Variants in CDH13 observed in about 807,000 individuals in gnomAD.
CDH13 encodes cadherin 13.
Under a neutral mutation model 63.8 loss-of-function variants are expected in CDH13, and 24 were observed. That is an observed-to-expected ratio of 0.38 (90% confidence interval 0.27 to 0.53). The LOEUF is 0.53. Among genes scored for constraint, CDH13 ranks in the 20% least tolerant of loss-of-function variants. The probability of loss-of-function intolerance (pLI) is 0.85; values close to 1 mark genes in which losing one functional copy is unlikely to be tolerated. For missense variants in CDH13, 1,049 were observed against 903.1 expected (o/e 1.16, Z -2.07); for synonymous variants, 503 against 355.3 (o/e 1.42, Z -4.67).
chr16:82,715,945 T>C (rs1233008371), intron 1 of CDH13, among the ~76,000 whole-genome samples: 1 of 152,210 alleles, frequency 6.6e-6, no homozygotes, highest in African/African-American at 2.4e-5. Context: ...TTATGAGCTC[T>C]TTGGTAGAAA....
chr16:83,761,169 C>A (rs553385744), intron 11 of CDH13, among the ~76,000 whole-genome samples: 1 of 152,162 alleles, frequency 6.6e-6, no homozygotes, highest in Non-Finnish European at 1.5e-5. Context: ...AAGAGCAGGA[C>A]TGAAAACCTG....
chr16:83,249,327 A>T (rs1905262461), intron 5 of CDH13, among the ~76,000 whole-genome samples: 1 of 152,160 alleles, frequency 6.6e-6, no homozygotes, highest in Admixed American at 6.5e-5. Flanking sequence ...CTGTAGCTTG[A>T]TATCAGCCAT....
At chr16:83,154,826 G>A (rs1339599379) in intron 4 of CDH13, among the ~76,000 whole-genome samples, 1 of 152,136 alleles carries the variant, frequency 6.6e-6, no homozygotes, top group African/African-American at 2.4e-5. Flanking sequence ...AGACCTGCAA[G>A]TAAATGTTAA....
chr16:83,738,036 C>T (rs935223496), intron 10 of CDH13, among the ~76,000 whole-genome samples: 4 of 152,290 alleles, frequency 2.6e-5, no homozygotes, highest in Middle Eastern at 3.4e-3. Flanking sequence ...AATGAATGTG[C>T]GCTTCCAGTT....
At chr16:83,150,687 A>G (rs921379347) in intron 4 of CDH13, among the ~76,000 whole-genome samples, 3 of 152,152 alleles carry the variant, frequency 2.0e-5, no homozygotes, top group African/African-American at 4.8e-5. Flanking sequence ...CCTATTTACT[A>G]TATGCTTATA....
chr16:83,677,439 C>G (rs1364983657), intron 9 of CDH13, among the ~76,000 whole-genome samples: 1 of 152,132 alleles, frequency 6.6e-6, no homozygotes, highest in African/African-American at 2.4e-5. Flanking sequence ...GTATTGCTGT[C>G]CCCCGCCCGG....
At chr16:83,061,516 A>G (rs2031548156) in intron 3 of CDH13, among the ~76,000 whole-genome samples, 1 of 152,190 alleles carries the variant, frequency 6.6e-6, no homozygotes, top group South Asian at 2.1e-4. Context: ...TTTCCCAGCT[A>G]AAAATTCTTC....
intron 7 of CDH13, among the ~76,000 whole-genome samples, chr16:83,503,013 T>C (rs951308757): frequency 6.6e-6 from 1 of 152,180 alleles, no homozygotes; most frequent in Non-Finnish European, 1.5e-5. Flanking sequence ...GCGGAGCTCG[T>C]TGGTTATGCT....
intron 4 of CDH13, among the ~76,000 whole-genome samples, chr16:83,184,089 A>AACACAC (rs10656475): frequency 0.11 from 14,610 of 131,420 alleles, 942 homozygotes; most frequent in East Asian, 0.24. Context: ...CTAGAGGTTA[A>AACACAC]ACACACACAC....
At chr16:83,428,739 T>C (rs960103826) in intron 6 of CDH13, among the ~76,000 whole-genome samples, 24 of 152,220 alleles carry the variant, frequency 1.6e-4, no homozygotes, top group Admixed American at 2.6e-4. Flanking sequence ...CCTTTGTTCC[T>C]TTGGGGAATA....
intron 5 of CDH13, among the ~76,000 whole-genome samples, chr16:83,319,460 A>T (rs752648106): frequency 6.6e-6 from 1 of 152,190 alleles, no homozygotes; most frequent in Non-Finnish European, 1.5e-5. Flanking sequence ...TGCCAACCTA[A>T]GAAGGCTTTG....
chr16:83,446,430 C>T (rs1337999430), intron 6 of CDH13, among the ~76,000 whole-genome samples: 1 of 152,114 alleles, frequency 6.6e-6, no homozygotes, highest in Non-Finnish European at 1.5e-5. Flanking sequence ...TTAATGAGAT[C>T]GGTTTCCACC....
At chr16:82,661,456 A>C (rs1010748848) in intron 1 of CDH13, among the ~76,000 whole-genome samples, 3 of 152,346 alleles carry the variant, frequency 2.0e-5, no homozygotes, top group Admixed American at 6.5e-5. Context: ...CTGAGTAAAG[A>C]GGTTGCTGCC....
intron 3 of CDH13, among the ~76,000 whole-genome samples, chr16:83,048,918 A>G (rs367890253): frequency 1.9e-4 from 29 of 151,760 alleles, no homozygotes; most frequent in African/African-American, 6.8e-4. Flanking sequence ...CAACATCTCT[A>G]TTTCCTTGCA....
At chr16:83,554,314 A>C (rs1001258826) in intron 7 of CDH13, among the ~76,000 whole-genome samples, 3 of 152,196 alleles carry the variant, frequency 2.0e-5, no homozygotes, top group African/African-American at 7.2e-5. Flanking sequence ...CTGGCAGGCA[A>C]CAGAAAGCCA....
At chr16:83,409,465 C>T (rs734888) in intron 6 of CDH13, among the ~76,000 whole-genome samples, 26,132 of 152,136 alleles carry the variant, frequency 0.17, 2,864 homozygotes, top group East Asian at 0.54. Context: ...GCAGAGCCTG[C>T]TCCAAGAATG....
chr16:83,657,107 A>T (rs572620446), intron 8 of CDH13, among the ~76,000 whole-genome samples: 1 of 152,336 alleles, frequency 6.6e-6, no homozygotes, highest in Admixed American at 6.5e-5. Flanking sequence ...TCAGCCCTGC[A>T]TATGTAATGG....
intron 8 of CDH13, among the ~76,000 whole-genome samples, chr16:83,623,689 T>G (rs192173045): frequency 2.0e-5 from 3 of 152,290 alleles, no homozygotes; most frequent in African/African-American, 7.2e-5. Flanking sequence ...TGGTCTATAA[T>G]AACCACGCAC....
intron 2 of CDH13, among the ~76,000 whole-genome samples, chr16:83,020,849 T>C (rs1329105865): frequency 1.3e-5 from 2 of 152,116 alleles, no homozygotes; most frequent in African/African-American, 4.8e-5. Flanking sequence ...ACAATCAGGG[T>C]CTGAATCCCA....
Sources: gnomAD v4.1 joint callset for allele counts (sites outside exome capture counted in the v4.1 genomes callset) on GRCh38, gnomAD v4.1.1 for gene constraint, MANE v1.5 for transcripts, NCBI Gene and HGNC (gene_info 2026-07-23, HGNC 2026-07-21) for gene names.